RBPMS: variants seen among roughly 807,000 people sequenced by gnomAD.
RBPMS encodes RNA-binding protein with multiple splicing.
In RBPMS, 7 loss-of-function variants were observed where a neutral mutation model predicts 26.8. That is an observed-to-expected ratio of 0.26 (90% CI 0.15 to 0.49). The LOEUF (loss-of-function observed/expected upper bound fraction) is 0.49. Among genes scored for constraint, RBPMS ranks in the 20% least tolerant of loss-of-function variants. The probability of loss-of-function intolerance (pLI) is 0.98; values close to 1 mark genes in which losing one functional copy is unlikely to be tolerated. For missense variants in RBPMS, 186 were observed against 250.0 expected (o/e 0.74, Z 1.73); for synonymous variants, 96 against 93.3 (o/e 1.03, Z -0.17).
intron 1 of RBPMS, among the ~76,000 whole-genome samples, chr8:30,461,577 A>G (rs1815905234): frequency 6.6e-6 from 1 of 152,028 alleles, no homozygotes; most frequent in South Asian, 2.1e-4. Context: ...TGTATTTTTT[A>G]GTAGAGACAG....
At chr8:30,514,679 G>GTTTTTTTTTT (rs773827768) in intron 5 of RBPMS, among the ~76,000 whole-genome samples, 6 of 13,544 alleles carry the variant, frequency 4.4e-4, no homozygotes, top group South Asian at 8.9e-3. Flanking sequence ...ACCATGCCGG[G>GTTTTTTTTTT]CTTTTTTTTT....
At chr8:30,542,953 A>G (rs998836290) in intron 5 of RBPMS, among the ~76,000 whole-genome samples, 5 of 152,086 alleles carry the variant, frequency 3.3e-5, no homozygotes, top group African/African-American at 1.2e-4. Flanking sequence ...TGTTGCTTTC[A>G]CCCTGACTAA....
chr8:30,390,413 G>A (rs1203534256), intron 1 of RBPMS, among the ~76,000 whole-genome samples: 1 of 152,126 alleles, frequency 6.6e-6, no homozygotes, highest in Non-Finnish European at 1.5e-5. Flanking sequence ...CTCTTCTGGA[G>A]TCCATCCTTA....
intron 4 of RBPMS, among the ~76,000 whole-genome samples, chr8:30,497,992 G>T (rs996397947): frequency 2.0e-5 from 3 of 151,082 alleles, no homozygotes; most frequent in Admixed American, 1.3e-4. Context: ...ATTTGGAGTT[G>T]GCCGTGGAGG....
intron 1 of RBPMS, among the ~76,000 whole-genome samples, chr8:30,424,551 G>A (rs575749349): frequency 1.3e-5 from 2 of 152,150 alleles, no homozygotes; most frequent in Non-Finnish European, 2.9e-5. Context: ...TCATAACTAG[G>A]TTCATACTCT....
At chr8:30,560,426 A>G (rs1827362894) in intron 7 of RBPMS, among the ~76,000 whole-genome samples, 1 of 152,200 alleles carries the variant, frequency 6.6e-6, no homozygotes. Flanking sequence ...GCAGCCAGTC[A>G]TAGCCCAGCA....
chr8:30,435,360 G>A (rs1295695630), intron 1 of RBPMS, among the ~76,000 whole-genome samples: 1 of 152,096 alleles, frequency 6.6e-6, no homozygotes, highest in Non-Finnish European at 1.5e-5. Context: ...TCTGGTCCCA[G>A]GCATTTAGAT....
At chr8:30,484,407 T>G (rs1199403933) in intron 4 of RBPMS, among the ~76,000 whole-genome samples, 4 of 152,126 alleles carry the variant, frequency 2.6e-5, no homozygotes, top group African/African-American at 9.7e-5. Flanking sequence ...TGTCAATAAG[T>G]AACAGAAGGG....
intron 6 of RBPMS, among the ~76,000 whole-genome samples, chr8:30,551,183 A>T (rs200097215): frequency 1.1e-5 from 1 of 91,252 alleles, no homozygotes; most frequent in Non-Finnish European, 2.7e-5. Context: ...ATTTGCAGTG[A>T]GAGAGACATC....
chr8:30,444,118 A>G (rs1465025624), intron 1 of RBPMS, among the ~76,000 whole-genome samples: 1 of 141,864 alleles, frequency 7.0e-6, no homozygotes, highest in African/African-American at 2.7e-5. Context: ...CTGGTATTGA[A>G]CTCCTGGCCT....
intron 4 of RBPMS, among the ~76,000 whole-genome samples, chr8:30,484,906 A>G (rs1330102693): frequency 6.6e-6 from 1 of 152,228 alleles, no homozygotes; most frequent in African/African-American, 2.4e-5. Context: ...CCAACTACCA[A>G]GGTTCTTTAC....
intron 1 of RBPMS, among the ~76,000 whole-genome samples, chr8:30,443,199 G>C (rs999118993): frequency 9.9e-5 from 15 of 152,148 alleles, no homozygotes; most frequent in African/African-American, 3.4e-4. Flanking sequence ...ATTGGAATCC[G>C]TTGGCCCAAA....
intron 4 of RBPMS, among the ~76,000 whole-genome samples, chr8:30,480,107 C>T (rs1233153622): frequency 6.6e-6 from 1 of 152,152 alleles, no homozygotes; most frequent in Non-Finnish European, 1.5e-5. Flanking sequence ...AGGATGAATC[C>T]TCAGGTGAGG....
chr8:30,522,777 ATACT>A (rs1415366442), intron 5 of RBPMS, among the ~76,000 whole-genome samples: 16 of 152,206 alleles, frequency 1.1e-4, no homozygotes, highest in African/African-American at 3.9e-4. Context: ...TAAAAAATAA[ATACT>A]TATGTTTCTG....
At chr8:30,462,368 G>A (rs1178551885) in intron 1 of RBPMS, among the ~76,000 whole-genome samples, 2 of 152,104 alleles carry the variant, frequency 1.3e-5, no homozygotes. Context: ...ACAATAAAAA[G>A]TGATGATTAA....
intron 4 of RBPMS, among the ~76,000 whole-genome samples, chr8:30,491,567 G>C (rs997755088): frequency 1.3e-5 from 2 of 152,096 alleles, no homozygotes; most frequent in African/African-American, 2.4e-5. Context: ...GTCTATGTCT[G>C]ATCTTTAAAT....
chr8:30,538,722 C>G (rs796458725), intron 5 of RBPMS, among the ~76,000 whole-genome samples: 1 of 152,156 alleles, frequency 6.6e-6, no homozygotes, highest in Non-Finnish European at 1.5e-5. Flanking sequence ...TCTGAAATCA[C>G]GGTGTCAGCA....
At chr8:30,558,341 GT>G in intron 6 of RBPMS, 1 of 168,070 alleles carries the variant, frequency 5.9e-6, no homozygotes, top group Non-Finnish European at 1.3e-5. Context: ...CATCTCCTCA[GT>G]AGGGTGAACA....
chr8:30,385,778 A>T lies in RBPMS; in HGVS notation c.66+620A>T, dbSNP rs567614657. On this transcript the variant is annotated intron_variant, in intron 1 of 8. Coordinates refer to ENST00000397323, the MANE Select transcript of RBPMS (RefSeq NM_001008710.3). ...GAGGGGAGCAGAGTAAGAGGGTTAA[A>T]AACGCAGCAATTCACCAAATGCTCA... Among the ~76,000 whole-genome samples, 4 of 152,290 alleles carry T rather than the reference A, an allele frequency of 2.6e-5. No individual in the cohort carries two copies. The East Asian group carries it at 7.7e-4, about 29-fold the overall frequency.
Sources: allele counts gnomAD v4.1 joint callset (sites outside exome capture counted in the v4.1 genomes callset), GRCh38; gene constraint gnomAD v4.1.1; transcripts MANE v1.5; gene names NCBI Gene and HGNC (gene_info 2026-07-23, HGNC 2026-07-21).